EIF4ENIF1: variants seen among roughly 807,000 people sequenced by gnomAD.
EIF4ENIF1 encodes the protein eukaryotic translation initiation factor 4E nuclear import factor 1, also known as eukaryotic translation initiation factor 4E transporter.
Under a neutral mutation model 110.5 loss-of-function variants are expected in EIF4ENIF1, and 23 were observed. That is an observed-to-expected ratio of 0.21 (90% CI 0.15 to 0.29). The LOEUF (loss-of-function observed/expected upper bound fraction) is 0.29. Ranked by LOEUF, EIF4ENIF1 falls within the 10% of genes least tolerant of loss-of-function variation. The pLI is 1.00. For synonymous variants in EIF4ENIF1, 440 were observed against 437.0 expected, an observed-to-expected ratio of 1.01 and a Z score of -0.09; for missense variants, 1,031 against 1,221.1, an observed-to-expected ratio of 0.84 and a Z score of 2.32.
At chr22:31,465,323 C>CAA (rs544872114) in intron 4 of EIF4ENIF1, among the ~76,000 whole-genome samples, 42 of 60,774 alleles carry the variant, frequency 6.9e-4, no homozygotes, top group East Asian at 2.7e-3. Flanking sequence ...GACTCTGTCT[C>CAA]AAAAAAAAAA....
Position 31,463,935 on chromosome 22 carries a change from C to G in EIF4ENIF1, c.331G>C (p.Asp111His), listed in dbSNP as rs774862247. Residue 111 changes from aspartate to histidine, a missense_variant, in exon 5 of 19, where the codon GAT (aspartate) becomes CAT (histidine). Transcript: ENST00000330125. ...CGTCTCTGAGGGCTGAGAACAACAT[C>G]TAAGTCATCTTCTTTCACACGCTCT... Reference protein sequence around the residue: ...PRERVKEDDLDVVLSPQRRSF... With the variant: ...PRERVKEDDLHVVLSPQRRSF... The G allele has an allele frequency of 6.2e-7, 1 of 1,613,794 alleles. No homozygotes were observed. The highest frequency in any genetic ancestry group is 1.1e-5 in the South Asian group (1 of 91,080).
At position 31,439,805 on chromosome 22, in the gene EIF4ENIF1, C is replaced by G. The variant is rs1325170439; in HGVS notation, c.*75G>C. 1.3e-6 allele frequency: 2 copies of G among 1,568,304 alleles called. No individual in the cohort carries two copies. Among genetic ancestry groups the G allele is most frequent in the Non-Finnish European group, 1.7e-6 (2 of 1,165,656 alleles). On this transcript the variant is annotated 3_prime_UTR_variant, in exon 19 of 19. Coordinates refer to ENST00000330125, the MANE Select transcript of EIF4ENIF1 (RefSeq NM_019843.4). ...GTGCTCCAAAGTAAAAGCCCATAAA[C>G]CAACCCGAGATGAAGCAGGGTCCTG...
At position 31,440,854 on chromosome 22, in the gene EIF4ENIF1, C is replaced by T. The variant is rs1421913985; in HGVS notation, c.2566G>A (p.Gly856Arg). Residue 856 changes from glycine to arginine, a missense_variant, in exon 18 of 19, where the codon GGG (glycine) becomes AGG (arginine). Physicochemically the swap from Gly to Arg is moderately radical, Grantham distance 125 (BLOSUM62 -2). Coordinates refer to ENST00000330125, the MANE Select transcript of EIF4ENIF1 (RefSeq NM_019843.4). ...CCCTGTAAATGACTCAAGTCCATCC[C>T]AGGAGGAAGCACACCTGTTGAGCAG... ...SLLQTGVLPP[G>R]MDLSHLQGIS... 6.2e-7 allele frequency: 1 copy of T among 1,613,974 alleles called. No individual in the cohort carries two copies. The highest frequency in any genetic ancestry group is 8.5e-7 in the Non-Finnish European group (1 of 1,179,870).
At position 31,439,938 on chromosome 22, in the gene EIF4ENIF1, G is replaced by C; in HGVS notation, c.2900C>G (p.Pro967Arg). The C allele has an allele frequency of 6.2e-7, 1 of 1,614,144 alleles. No individual in the cohort carries two copies. Among genetic ancestry groups the C allele is most frequent in the Non-Finnish European group, 8.5e-7 (1 of 1,180,032 alleles). ...AACTTTGGCGGGCATGGAGGGCAGG[G>C]GTTGCTGTAGCACATCTGAGCCAAA... Reference protein sequence around the residue: ...KWFGSDVLQQPLPSMPAKVIS... With the variant: ...KWFGSDVLQQRLPSMPAKVIS... Residue 967 changes from proline to arginine, a missense_variant, in exon 19 of 19, where the codon CCC (proline) becomes CGC (arginine). Transcript: ENST00000330125.
At chr22:31,462,529 T>C (rs1466716386) in intron 6 of EIF4ENIF1, among the ~76,000 whole-genome samples, 1 of 151,920 alleles carries the variant, frequency 6.6e-6, no homozygotes, top group African/African-American at 2.4e-5. Context: ...CATGAAAAAC[T>C]TGCCATTTCC....
intron 2 of EIF4ENIF1, among the ~76,000 whole-genome samples, chr22:31,473,517 ATCTAGAACATT>A (rs1235217216): frequency 6.6e-6 from 1 of 152,190 alleles, no homozygotes; most frequent in Non-Finnish European, 1.5e-5. Flanking sequence ...GTCTCCCTTA[ATCTAGAACATT>A]TCTACAACTT....
Position 31,439,721 on chromosome 22 carries a change from T to C in EIF4ENIF1, c.*159A>G. 1 of 1,000,790 alleles carries C rather than the reference T, an allele frequency of 1.0e-6. No individual in the cohort carries two copies. 62.0% of individuals were successfully genotyped at this position (1,000,790 alleles called of 1,614,324 possible). On this transcript the variant is annotated 3_prime_UTR_variant, in exon 19 of 19. Coordinates refer to ENST00000330125, the MANE Select transcript of EIF4ENIF1 (RefSeq NM_019843.4). Reference sequence around the variant, plus strand: ...CACTCCACTCGACTGGTTAAGATCCTTCCATCATAATGCGGACCACACCAG... The same window carrying C: ...CACTCCACTCGACTGGTTAAGATCCCTCCATCATAATGCGGACCACACCAG...
intron 2 of EIF4ENIF1, among the ~76,000 whole-genome samples, chr22:31,482,767 TA>T (rs2146094288): frequency 6.6e-6 from 1 of 151,974 alleles, no homozygotes; most frequent in East Asian, 1.9e-4. Flanking sequence ...CTCACGCCTG[TA>T]ATCAGAGCAC....
intron 3 of EIF4ENIF1, among the ~76,000 whole-genome samples, chr22:31,470,356 A>G (rs2146028083): frequency 6.7e-6 from 1 of 150,232 alleles, no homozygotes; most frequent in East Asian, 2.0e-4. Flanking sequence ...TCTAGGATCA[A>G]CGCAACCTCC....
chr22:31,441,856 A>G lies in EIF4ENIF1; in HGVS notation c.2469T>C (p.Ala823=). ...LVPHVPMVRP[A]HQLHPGLVQR... Reference sequence around the variant, plus strand: ...GTACCAACCCTGGGTGAAGCTGGTGAGCAGGCCTAACCATAGGGACATGGG... The same window carrying G: ...GTACCAACCCTGGGTGAAGCTGGTGGGCAGGCCTAACCATAGGGACATGGG... The change falls in exon 17 of 19, where the codon GCT becomes GCC. Residue 823 remains alanine, a synonymous_variant. Coordinates refer to ENST00000330125, the MANE Select transcript of EIF4ENIF1 (RefSeq NM_019843.4). The G allele has an allele frequency of 1.9e-6, 3 of 1,614,150 alleles. No homozygotes were observed. Among genetic ancestry groups the G allele is most frequent in the Non-Finnish European group, 2.5e-6 (3 of 1,180,022 alleles).
intron 4 of EIF4ENIF1, 70 bp downstream of exon 4, chr22:31,468,105 G>C (rs1337830129): frequency 6.4e-7 from 1 of 1,573,314 alleles, no homozygotes; most frequent in Non-Finnish European, 8.7e-7. Context: ...TCAGAGCTAA[G>C]AATGAAACCA....
rs2050241706 is a variant in EIF4ENIF1 at position 31,440,012 on chromosome 22, C to G, written c.2826G>C (p.Glu942Asp). 6.2e-7 allele frequency: 1 copy of G among 1,613,766 alleles called. No homozygotes were observed. Among genetic ancestry groups the G allele is most frequent in the Non-Finnish European group, 8.5e-7 (1 of 1,179,870 alleles). The change falls in exon 19 of 19, where the codon GAG becomes GAC. Residue 942 changes from glutamate (E) to aspartate (D), a missense_variant. Glu to Asp is a conservative substitution (Grantham distance 45). Transcript: ENST00000330125. The stretch of plus-strand genomic sequence containing the variant: ...AGCTGCTCCTCTGGCTGGGGCGATG[C>G]TCCAGCTGGGAGTGCATGTGGGGCA... ...SGLPHMHSQL[E>D]HRPSQRSSSP...
At chr22:31,445,909 T>A (rs961946632) in intron 14 of EIF4ENIF1, among the ~76,000 whole-genome samples, 4 of 151,234 alleles carry the variant, frequency 2.6e-5, no homozygotes, top group Non-Finnish European at 5.9e-5. Context: ...TAAGCCATGT[T>A]TTAAAAACCT....
intron 14 of EIF4ENIF1, 132 bp downstream of exon 14, chr22:31,447,294 T>C (rs1366286204): frequency 5.7e-6 from 6 of 1,057,804 alleles, no homozygotes; most frequent in Admixed American, 2.8e-5. Context: ...TTGATTTGGA[T>C]TGGGATGGAA....
chr22:31,469,470 T>C (rs997117540), intron 3 of EIF4ENIF1, among the ~76,000 whole-genome samples: 9 of 152,208 alleles, frequency 5.9e-5, no homozygotes, highest in Non-Finnish European at 5.9e-5. Context: ...GAACATTTCT[T>C]GAATAAGTGA....
At chr22:31,440,649 G>A in intron 18 of EIF4ENIF1, 55 bp downstream of exon 18, 5 of 1,561,904 alleles carry the variant, frequency 3.2e-6, no homozygotes, top group Non-Finnish European at 4.3e-6. Context: ...AGTCCTCAAA[G>A]CTTCAAGACT....
upstream of EIF4ENIF1, among the ~76,000 whole-genome samples, chr22:31,491,405 G>A (rs1401014859): frequency 6.6e-6 from 1 of 152,106 alleles, no homozygotes; most frequent in Middle Eastern, 3.2e-3. Context: ...GAGAAGGCCC[G>A]TTCTTTGAAG....
In EIF4ENIF1 at chr22:31,471,712, C is replaced by A. The variant is rs1485535748; in HGVS notation, c.170+132G>T. 5.1e-6 allele frequency: 4 copies of A among 787,326 alleles called. No individual in the cohort carries two copies. The East Asian group carries it at 1.1e-4, about 21-fold the overall frequency. 48.8% of individuals were successfully genotyped at this position (787,326 alleles called of 1,614,324 possible). ...TAGGTAGTTGAAACCCATCTTATTA[C>A]CTCTCGAAATCCCTCTTTCACTTAT... On this transcript the variant is annotated intron_variant, in intron 3 of 18. Transcript: ENST00000330125.
intron 6 of EIF4ENIF1, among the ~76,000 whole-genome samples, chr22:31,459,434 G>C (rs2050924894): frequency 6.6e-6 from 1 of 152,158 alleles, no homozygotes; most frequent in East Asian, 1.9e-4. Context: ...GTTGGTTGTT[G>C]TAGCTCATCC....
Sources: allele counts gnomAD v4.1 joint callset (sites outside exome capture counted in the v4.1 genomes callset), GRCh38; gene constraint gnomAD v4.1.1; transcripts MANE v1.5; gene names NCBI Gene and HGNC (gene_info 2026-07-23, HGNC 2026-07-21).